Variants in RGSL1 observed in about 807,000 individuals in gnomAD.
RGSL1 encodes the protein regulator of G protein signaling like 1, also known as regulator of G protein signaling protein-like.
RGSL1 carries 97 observed loss-of-function variants against 124.7 expected under a neutral mutation model. The observed-to-expected ratio is 0.78, with a 90% CI of 0.66 to 0.92. The LOEUF (loss-of-function observed/expected upper bound fraction) is 0.92, where lower values mean the gene tolerates loss of function less well. RGSL1 is among the 40% of genes least tolerant of loss of function. The pLI is 0.00. For missense variants in RGSL1, 1,233 were observed against 1,288.4 expected (o/e 0.96, Z 0.66); for synonymous variants, 424 against 438.1 (o/e 0.97, Z 0.40).
At position 182,522,938 on chromosome 1, in the gene RGSL1, T is replaced by C. The variant is rs151119578; in HGVS notation, c.1931+829T>C. On this transcript the variant is annotated intron_variant, in intron 10 of 21. Coordinates refer to ENST00000294854, the MANE Select transcript of RGSL1 (RefSeq NM_001137669.2). The stretch of plus-strand genomic sequence containing the variant: ...GCTATATAAAAGGTCCTCTTCTAGA[T>C]GTTGAGGATATAGTAGAACATATAC... Among the ~76,000 whole-genome samples the C allele has an allele frequency of 7.4e-3, 1,125 of 152,350 alleles. 15 individuals carry two copies. Among genetic ancestry groups the C allele is most frequent in the Middle Eastern group, 0.031 (9 of 294 alleles).
chr1:182,515,560 G>GGC (rs1553268046), intron 9 of RGSL1, among the ~76,000 whole-genome samples: 13 of 141,706 alleles, frequency 9.2e-5, no homozygotes, highest in Middle Eastern at 3.7e-3. Flanking sequence ...AAAAGGGGGG[G>GGC]GCGGGGTGGA....
At position 182,501,282 on chromosome 1, in the gene RGSL1, T is replaced by TTTC. The variant is rs1656342453; in HGVS notation, c.1825+8156_1825+8158dup. ...TCTCTTTCTCTCTTTCTTTCTTTTT[T>TTTC]TTCTTTTCTTTTCTTTTTTCTTTTC... On this transcript the variant is annotated intron_variant, in intron 9 of 21. Transcript: ENST00000294854. Among the ~76,000 whole-genome samples the TTTC allele has an allele frequency of 2.0e-5, 3 of 146,812 alleles. No individual in the cohort carries two copies. In the South Asian group the frequency reaches 6.3e-4, roughly 31 times the overall value.
intron 6 of RGSL1, among the ~76,000 whole-genome samples, chr1:182,482,108 C>T (rs1050224462): frequency 6.6e-6 from 1 of 152,150 alleles, no homozygotes; most frequent in Non-Finnish European, 1.5e-5. Context: ...TGTGATGCAA[C>T]TCATTAACAG....
chr1:182,496,844 G>A (rs1445346503), intron 9 of RGSL1, among the ~76,000 whole-genome samples: 1 of 151,842 alleles, frequency 6.6e-6, no homozygotes, highest in Non-Finnish European at 1.5e-5. Flanking sequence ...CTTTATTTTG[G>A]AGAGGATGTC....
At chr1:182,475,715 T>C (rs1011841696) in intron 6 of RGSL1, among the ~76,000 whole-genome samples, 3 of 134,210 alleles carry the variant, frequency 2.2e-5, no homozygotes, top group African/African-American at 7.5e-5. Context: ...CCAGGACACC[T>C]CATCTGATAA....
chr1:182,556,119 C>A lies in RGSL1; in HGVS notation c.*62C>A. 6.8e-7 allele frequency: 1 copy of A among 1,466,888 alleles called. No homozygotes were observed. Among genetic ancestry groups the A allele is most frequent in the Non-Finnish European group, 9.3e-7 (1 of 1,080,472 alleles). 90.9% of individuals were successfully genotyped at this position (1,466,888 alleles called of 1,614,324 possible). The stretch of plus-strand genomic sequence containing the variant: ...AGAGGCCTCCTAACACTGACAGAAA[C>A]TTTTCTGGTCAAAAATGAAAGGTCC... On this transcript the variant is annotated 3_prime_UTR_variant, in exon 21 of 22. Transcript: ENST00000294854.
rs1479560858 is a variant in RGSL1 at position 182,460,019 on chromosome 1, G to C, written c.187G>C (p.Gly63Arg). Residue 63 changes from glycine to arginine, a missense_variant, in exon 4 of 22, where the codon GGG (glycine) becomes CGG (arginine). Gly to Arg is a moderately radical substitution (Grantham distance 125, BLOSUM62 -2). Coordinates refer to ENST00000294854, the MANE Select transcript of RGSL1 (RefSeq NM_001137669.2). ...IPCNLIAKYK[G>R]LLTWLEKCRL... Reference sequence around the variant, plus strand: ...TTGACTCTAGATTGCCAAATACAAAGGGTTATTGACCTGGTTGGAAAAATG... The same window carrying C: ...TTGACTCTAGATTGCCAAATACAAACGGTTATTGACCTGGTTGGAAAAATG... The C allele has an allele frequency of 6.4e-7, 1 of 1,551,394 alleles. No individual in the cohort carries two copies. The highest frequency in any genetic ancestry group is 8.7e-7 in the Non-Finnish European group (1 of 1,146,904).
chr1:182,497,348 CTCCT>C (rs1656005485), intron 9 of RGSL1, among the ~76,000 whole-genome samples: 1 of 145,958 alleles, frequency 6.9e-6, no homozygotes, highest in African/African-American at 2.5e-5. Flanking sequence ...ATTTTTATAT[CTCCT>C]GATATAAAAA....
At chr1:182,544,089 AGGTTGTTT>A (rs1660058830) in intron 15 of RGSL1, among the ~76,000 whole-genome samples, 1 of 151,892 alleles carries the variant, frequency 6.6e-6, no homozygotes, top group South Asian at 2.1e-4. Context: ...GGGCAACATT[AGGTTGTTT>A]ATTTGAAGTC....
intron 9 of RGSL1, among the ~76,000 whole-genome samples, chr1:182,497,473 A>G (rs1656020698): frequency 6.6e-6 from 1 of 151,896 alleles, no homozygotes; most frequent in African/African-American, 2.4e-5. Flanking sequence ...ACTTATAGAA[A>G]AAAAAGTACA....
intron 14 of RGSL1, among the ~76,000 whole-genome samples, chr1:182,536,947 C>G (rs1369097878): frequency 6.6e-6 from 1 of 152,118 alleles, no homozygotes; most frequent in Admixed American, 6.5e-5. Context: ...ACATACAGTG[C>G]GTTTTTTAGT....
At chr1:182,513,099 G>A (rs1571619540) in intron 9 of RGSL1, among the ~76,000 whole-genome samples, 2 of 152,170 alleles carry the variant, frequency 1.3e-5, no homozygotes, top group African/African-American at 4.8e-5. Context: ...CTAGGGGTGG[G>A]GCCTTTGCCA....
Position 182,540,241 on chromosome 1 carries a change from T to C in RGSL1, c.2495-6T>C, listed in dbSNP as rs1402362475. The C allele has an allele frequency of 6.5e-7, 1 of 1,533,756 alleles. No individual in the cohort carries two copies. The highest frequency in any genetic ancestry group is 2.5e-5 in the East Asian group (1 of 40,232). On this transcript the variant is annotated splice_polypyrimidine_tract_variant and splice_region_variant and intron_variant, in intron 14 of 21. Coordinates refer to ENST00000294854, the MANE Select transcript of RGSL1 (RefSeq NM_001137669.2). The stretch of plus-strand genomic sequence containing the variant: ...AAATTGTAATTCCTTCTTCTTTCTC[T>C]CTCAGATTTCACCACAGCACACAAC...
chr1:182,489,894 G>A (rs1191854050), intron 8 of RGSL1, among the ~76,000 whole-genome samples: 1 of 152,148 alleles, frequency 6.6e-6, no homozygotes, highest in African/African-American at 2.4e-5. Context: ...TACTGTAAAT[G>A]TTAGTCATTA....
chr1:182,468,814 A>C (rs979321587), intron 4 of RGSL1, among the ~76,000 whole-genome samples: 3 of 152,180 alleles, frequency 2.0e-5, no homozygotes, highest in African/African-American at 7.2e-5. Flanking sequence ...TGGTGGCATA[A>C]ATGCAGACAT....
intron 4 of RGSL1, 150 bp downstream of exon 4, chr1:182,460,283 T>A (rs1652712469): frequency 7.8e-6 from 9 of 1,150,752 alleles, no homozygotes; most frequent in Non-Finnish European, 1.1e-5. Flanking sequence ...AATGATCTTA[T>A]GCCTGTCAGT....
intron 9 of RGSL1, among the ~76,000 whole-genome samples, chr1:182,498,166 C>A (rs1320697144): frequency 2.0e-5 from 3 of 151,962 alleles, no homozygotes; most frequent in Admixed American, 6.6e-5. Context: ...TTTATATGAA[C>A]TCTTTTTTTT....
chr1:182,551,807 A>G (rs1214502746), intron 18 of RGSL1, among the ~76,000 whole-genome samples: 1 of 152,226 alleles, frequency 6.6e-6, no homozygotes, highest in African/African-American at 2.4e-5. Flanking sequence ...TAAACCATAT[A>G]TACAATGGTA....
At chr1:182,450,028 G>A (rs1372790173), upstream of RGSL1, 4 of 967,604 alleles carry the variant, frequency 4.1e-6, no homozygotes, top group East Asian at 5.2e-5. Flanking sequence ...CTACACCAGA[G>A]GTAAGTAGAT....
Sources: allele counts gnomAD v4.1 joint callset (sites outside exome capture counted in the v4.1 genomes callset), GRCh38; gene constraint gnomAD v4.1.1; transcripts MANE v1.5; gene names NCBI Gene and HGNC (gene_info 2026-07-23, HGNC 2026-07-21).